The following DAB1 variants were observed in gnomAD, a reference collection of about 807,000 sequenced individuals.
The protein encoded by DAB1 is DAB adaptor protein 1, also known as disabled homolog 1.
A neutral mutation model predicts 64.6 loss-of-function variants in DAB1; 15 were observed. The ratio of observed to expected loss-of-function variants is 0.23; its 90% confidence interval spans 0.16 to 0.36. DAB1 has a LOEUF of 0.36. DAB1 is among the 10% of genes least tolerant of loss of function. The probability of loss-of-function intolerance (pLI) is 1.00; values close to 1 mark genes in which losing one functional copy is unlikely to be tolerated. For synonymous variants in DAB1, 235 were observed against 251.9 expected (o/e 0.93, Z 0.64); for missense variants, 596 against 706.7 (o/e 0.84, Z 1.78).
At chr1:57,265,301 T>C (rs1402949838) in intron 2 of DAB1, among the ~76,000 whole-genome samples, 2 of 152,248 alleles carry the variant, frequency 1.3e-5, no homozygotes, top group African/African-American at 4.8e-5. Flanking sequence ...ATGTGCGTTC[T>C]TGTGTGGAAG....
intron 3 of DAB1, among the ~76,000 whole-genome samples, chr1:58,465,824 G>T (rs1223868131): frequency 6.6e-6 from 1 of 152,164 alleles, no homozygotes; most frequent in Non-Finnish European, 1.5e-5. Flanking sequence ...CGAGGAAACT[G>T]GGGGGTTCAG....
intron 2 of DAB1, among the ~76,000 whole-genome samples, chr1:57,272,542 G>A (rs1570122424): frequency 6.6e-6 from 1 of 152,180 alleles, no homozygotes; most frequent in Non-Finnish European, 1.5e-5. Context: ...AGTCTAAATT[G>A]TCTCTCTGAG....
chr1:58,365,925 T>C (rs536543686), intron 3 of DAB1, among the ~76,000 whole-genome samples: 1 of 152,192 alleles, frequency 6.6e-6, no homozygotes, highest in East Asian at 1.9e-4. Flanking sequence ...GGAGACAAGT[T>C]GGGTTTTTGA....
At position 57,147,224 on chromosome 1, in the gene DAB1, T is replaced by C. The variant is rs555035850; in HGVS notation, c.68-1795A>G. 8.5e-5 allele frequency among the ~76,000 whole-genome samples: 13 copies of C among 152,088 alleles called. No individual in the cohort carries two copies. In the South Asian group the frequency reaches 1.2e-3, roughly 15 times the overall value. ...TTTTTGTAGAGATGGGGTTTTGCCA[T>C]GTTGCCCAGTCTCAGACTTTCAGAC... On this transcript the variant is annotated intron_variant, in intron 2 of 14. Transcript: ENST00000371236.
At chr1:57,076,428 C>T (rs1651997821) in intron 4 of DAB1, among the ~76,000 whole-genome samples, 1 of 152,192 alleles carries the variant, frequency 6.6e-6, no homozygotes. Flanking sequence ...TAGCTCTCTG[C>T]CACAGCTTTA....
At chr1:58,504,148 C>T (rs1645950235) in intron 3 of DAB1, among the ~76,000 whole-genome samples, 1 of 152,198 alleles carries the variant, frequency 6.6e-6, no homozygotes, top group African/African-American at 2.4e-5. Flanking sequence ...CACTCCTCTG[C>T]TCAATATCCT....
Position 58,435,165 on chromosome 1 carries a change from A to AT in DAB1, n.257+70894dup, listed in dbSNP as rs1390563125. 5.9e-5 allele frequency among the ~76,000 whole-genome samples: 9 copies of AT among 152,186 alleles called. No homozygotes were observed. In the East Asian group the frequency reaches 1.7e-3, roughly 30 times the overall value. ...TGGGCAGGAGGAGAGCAGTCAGGGT[A>AT]TTTTTTCTCTGCTTTTGTCTATTTC... On this transcript the variant is annotated intron_variant and non_coding_transcript_variant, in intron 3 of 20. Transcript: ENST00000485760.
chr1:57,886,095 T>C (rs1477290906), upstream of DAB1, among the ~76,000 whole-genome samples: 1 of 152,094 alleles, frequency 6.6e-6, no homozygotes, highest in African/African-American at 2.4e-5. Flanking sequence ...AATAATCCAT[T>C]AAGGAGTCCA....
chr1:57,605,815 C>A, intron 7 of DAB1: 1 of 456,570 alleles, frequency 2.2e-6, no homozygotes, highest in Admixed American at 2.7e-5. Flanking sequence ...TTATTTTAAA[C>A]AACCAGTAAT....
intron 1 of DAB1, among the ~76,000 whole-genome samples, chr1:57,844,452 G>C (rs1380924980): frequency 2.0e-5 from 3 of 152,198 alleles, no homozygotes; most frequent in Non-Finnish European, 4.4e-5. Flanking sequence ...GTAAATGGCA[G>C]CTGCCTCAAG....
At chr1:58,512,382 T>C (rs1033900592) in intron 2 of DAB1, among the ~76,000 whole-genome samples, 14 of 152,182 alleles carry the variant, frequency 9.2e-5, no homozygotes, top group African/African-American at 3.4e-4. Flanking sequence ...ATCATTATGA[T>C]TCAGAAATCC....
At chr1:57,497,898 G>C (rs1558436333) in intron 7 of DAB1, among the ~76,000 whole-genome samples, 5 of 152,170 alleles carry the variant, frequency 3.3e-5, no homozygotes, top group Admixed American at 6.5e-5. Context: ...TGATCATTTT[G>C]GTTGTCATAG....
At chr1:58,100,343 T>C (rs1366125323) in intron 5 of DAB1, among the ~76,000 whole-genome samples, 1 of 152,258 alleles carries the variant, frequency 6.6e-6, no homozygotes. Context: ...TTATATAATC[T>C]AACATCTTTA....
intron 7 of DAB1, among the ~76,000 whole-genome samples, chr1:57,570,090 T>C (rs959186407): frequency 6.6e-6 from 1 of 152,090 alleles, no homozygotes; most frequent in African/African-American, 2.4e-5. Context: ...GTGAGGGTGT[T>C]CCCATAGGAG....
chr1:57,618,306 T>C (rs190596786), intron 7 of DAB1, among the ~76,000 whole-genome samples: 6 of 151,728 alleles, frequency 4.0e-5, no homozygotes, highest in Admixed American at 2.6e-4. Flanking sequence ...TCCCAGCTAC[T>C]TGGAAGTCTG....
chr1:57,658,141 G>A (rs191654478), intron 6 of DAB1, among the ~76,000 whole-genome samples: 1 of 152,200 alleles, frequency 6.6e-6, no homozygotes, highest in African/African-American at 2.4e-5. Flanking sequence ...TTGGAGGAAA[G>A]CCCACGTACA....
At chr1:58,372,514 G>T (rs1644274221) in intron 3 of DAB1, among the ~76,000 whole-genome samples, 1 of 152,136 alleles carries the variant, frequency 6.6e-6, no homozygotes, top group Admixed American at 6.5e-5. Context: ...CTGCTGGAAT[G>T]AGTTAAAAAT....
At chr1:58,284,513 A>C (rs1180076412) in intron 4 of DAB1, among the ~76,000 whole-genome samples, 1 of 152,252 alleles carries the variant, frequency 6.6e-6, no homozygotes, top group Non-Finnish European at 1.5e-5. Flanking sequence ...ATCTGGAAGG[A>C]AGGCAATGCA....
intron 4 of DAB1, among the ~76,000 whole-genome samples, chr1:58,284,444 C>A (rs1357637363): frequency 6.6e-6 from 1 of 152,230 alleles, no homozygotes; most frequent in African/African-American, 2.4e-5. Context: ...TCAGTTCCCC[C>A]AACCTGGCTT....
Sources: allele counts gnomAD v4.1 joint callset (sites outside exome capture counted in the v4.1 genomes callset), GRCh38; gene constraint gnomAD v4.1.1; transcripts MANE v1.5; gene names NCBI Gene and HGNC (gene_info 2026-07-23, HGNC 2026-07-21).